Variants in USP40 observed in about 807,000 individuals in gnomAD.
USP40 encodes ubiquitin specific peptidase 40.
Under a neutral mutation model 166.2 loss-of-function variants are expected in USP40, and 143 were observed. The observed-to-expected ratio is 0.86, with a 90% CI of 0.75 to 0.99. The LOEUF is 0.99. Among genes scored for constraint, USP40 ranks in the 50% least tolerant of loss-of-function variants. The probability of loss-of-function intolerance (pLI) is 0.00; values close to 1 mark genes in which losing one functional copy is unlikely to be tolerated. For missense variants in USP40, 1,444 were observed against 1,479.7 expected (o/e 0.98, Z 0.40); for synonymous variants, 498 against 524.0 (o/e 0.95, Z 0.68).
intron 24 of USP40, among the ~76,000 whole-genome samples, chr2:233,494,390 T>G (rs1005930734): frequency 2.6e-5 from 4 of 152,194 alleles, no homozygotes; most frequent in Admixed American, 1.3e-4. Flanking sequence ...GAAGTTTCTG[T>G]AGAATAATTT....
chr2:233,549,134 T>G lies in USP40; in HGVS notation c.933A>C (p.Lys311Asn), dbSNP rs747028487. 1 of 1,602,872 alleles carries G rather than the reference T, an allele frequency of 6.2e-7. No individual in the cohort carries two copies. The highest frequency in any genetic ancestry group is 8.5e-7 in the Non-Finnish European group (1 of 1,174,346). ...CYGGHYHVYI[K>N]DVDHLGNWQF... ...GCCAGTTTCCCAAATGATCAACATCTTTAATATATACATGGTAATGGCCTC... is the reference window on the plus strand; with the variant it reads ...GCCAGTTTCCCAAATGATCAACATCGTTAATATATACATGGTAATGGCCTC... The change falls in exon 8 of 32, where the codon AAA (lysine) becomes AAC (asparagine). Residue 311 changes from lysine to asparagine, a missense_variant. By Grantham distance (94) the Lys-to-Asn change is moderately conservative (BLOSUM62 0). Transcript: ENST00000678225.
intron 17 of USP40, among the ~76,000 whole-genome samples, chr2:233,520,146 T>TCTTTC: frequency 6.6e-6 from 1 of 152,188 alleles, no homozygotes; most frequent in Admixed American, 6.5e-5. Context: ...TATTTTAGAT[T>TCTTTC]CTTTCCCTTT....
At chr2:233,563,314 C>T (rs533536992) in intron 2 of USP40, among the ~76,000 whole-genome samples, 5 of 152,208 alleles carry the variant, frequency 3.3e-5, no homozygotes, top group South Asian at 2.1e-4. Flanking sequence ...CAACCCCATG[C>T]GAGTCTCCAG....
chr2:233,551,910 A>G (rs565668358), intron 6 of USP40, among the ~76,000 whole-genome samples: 1 of 152,280 alleles, frequency 6.6e-6, no homozygotes, highest in African/African-American at 2.4e-5. Flanking sequence ...GGGACCTAGG[A>G]ACCTGTTTTA....
Position 233,493,389 on chromosome 2 carries a change from G to C in USP40, c.2917+36C>G, listed in dbSNP as rs751861260. Reference sequence around the variant, plus strand: ...AGGCAGTCAATTTACTTCTCTTTATGATGCACTGGCTGCTGAAATCCCATT... The same window carrying C: ...AGGCAGTCAATTTACTTCTCTTTATCATGCACTGGCTGCTGAAATCCCATT... On this transcript the variant is annotated intron_variant, in intron 25 of 31. Transcript: ENST00000678225. The surrounding 1 kb of genome is among the most constrained non-coding windows in gnomAD (Gnocchi z 4.7). 5.0e-6 allele frequency: 8 copies of C among 1,613,690 alleles called. No homozygotes were observed. Among genetic ancestry groups the C allele is most frequent in the African/African-American group, 1.3e-5 (1 of 74,902 alleles).
intron 11 of USP40, among the ~76,000 whole-genome samples, chr2:233,532,522 G>C (rs1189697334): frequency 6.6e-6 from 1 of 152,196 alleles, no homozygotes; most frequent in African/African-American, 2.4e-5. Flanking sequence ...CCCTTGAGCT[G>C]CTGCTCAGGC....
chr2:233,518,652 T>A (rs980911808), intron 18 of USP40, among the ~76,000 whole-genome samples: 1 of 151,880 alleles, frequency 6.6e-6, no homozygotes, highest in African/African-American at 2.4e-5. Flanking sequence ...ACACTGCTAG[T>A]GGGAGTATAA....
chr2:233,549,448 T>A (rs577103319), intron 7 of USP40, among the ~76,000 whole-genome samples: 1 of 152,214 alleles, frequency 6.6e-6, no homozygotes, highest in East Asian at 1.9e-4. Context: ...TGCCTCTTAG[T>A]TGACCATGAA....
At chr2:233,554,198 G>T in intron 6 of USP40, 182 bp downstream of exon 6, 1 of 578,806 alleles carries the variant, frequency 1.7e-6, no homozygotes, top group Non-Finnish European at 2.6e-6. Flanking sequence ...TGGGTGAACT[G>T]TTGGGTTGAA....
intron 11 of USP40, among the ~76,000 whole-genome samples, chr2:233,532,114 T>G (rs1458036133): frequency 2.6e-5 from 4 of 152,200 alleles, no homozygotes; most frequent in African/African-American, 7.2e-5. Context: ...TGTAACCATT[T>G]CAGCCTCTGA....
At chr2:233,484,894 C>T (rs1319019695) in intron 30 of USP40, among the ~76,000 whole-genome samples, 2 of 152,024 alleles carry the variant, frequency 1.3e-5, no homozygotes, top group Non-Finnish European at 2.9e-5. Context: ...ATTCATTGCC[C>T]GTGTTGTTTA....
At chr2:233,530,614 C>T (rs2068440807) in intron 11 of USP40, among the ~76,000 whole-genome samples, 1 of 152,116 alleles carries the variant, frequency 6.6e-6, no homozygotes, top group South Asian at 2.1e-4. Flanking sequence ...CTGTTGAAAC[C>T]CAAGAGTCAC....
chr2:233,553,351 A>G (rs1207439583), intron 6 of USP40, among the ~76,000 whole-genome samples: 1 of 152,294 alleles, frequency 6.6e-6, no homozygotes, highest in East Asian at 1.9e-4. Context: ...TGGGAAAAAA[A>G]CCCACAAAAC....
intron 10 of USP40, among the ~76,000 whole-genome samples, chr2:233,539,296 A>G (rs1212535593): frequency 1.3e-5 from 2 of 152,114 alleles, no homozygotes; most frequent in African/African-American, 2.4e-5. Context: ...GCTACATCCA[A>G]TAACTGCAGA....
In USP40 at chr2:233,551,356, A is replaced by T; in HGVS notation, c.837+20T>A. 1 of 1,569,370 alleles carries T rather than the reference A, an allele frequency of 6.4e-7. No individual in the cohort carries two copies. The highest frequency in any genetic ancestry group is 8.6e-7 in the Non-Finnish European group (1 of 1,164,358). ...CTTGAGAGGGGAAAAGAAAGAATTT[A>T]AAAATAAAATAGTTCAAACCTGTTC... On this transcript the variant is annotated intron_variant, in intron 7 of 31. Transcript: ENST00000678225.
intron 12 of USP40, among the ~76,000 whole-genome samples, chr2:233,528,717 T>A (rs2068250565): frequency 6.6e-6 from 1 of 152,260 alleles, no homozygotes; most frequent in East Asian, 1.9e-4. Context: ...CTGTACTTTT[T>A]TCCCCCAGCT....
At chr2:233,490,540 C>T (rs2065267719) in intron 26 of USP40, among the ~76,000 whole-genome samples, 2 of 152,208 alleles carry the variant, frequency 1.3e-5, no homozygotes, top group South Asian at 4.1e-4. Flanking sequence ...ACATCAACAA[C>T]CACTAGTCAT....
intron 18 of USP40, among the ~76,000 whole-genome samples, chr2:233,516,476 T>C (rs2067205133): frequency 6.6e-6 from 1 of 152,012 alleles, no homozygotes; most frequent in Admixed American, 6.6e-5. Context: ...GGCGGGCGGA[T>C]CACGAGGTCA....
At chr2:233,490,533 T>TC (rs1278098169) in intron 26 of USP40, among the ~76,000 whole-genome samples, 25 of 152,224 alleles carry the variant, frequency 1.6e-4, no homozygotes, top group African/African-American at 4.8e-5. Context: ...AAGCCAAACA[T>TC]CAACAACCAC....
Sources: gnomAD v4.1 joint callset for allele counts (sites outside exome capture counted in the v4.1 genomes callset) on GRCh38, gnomAD v4.1.1 for gene constraint, Gnocchi (gnomAD v3.1) non-coding constraint, MANE v1.5 for transcripts, NCBI Gene and HGNC (gene_info 2026-07-23, HGNC 2026-07-21) for gene names.